The following SIRT2 variants were observed in gnomAD, a reference collection of about 807,000 sequenced individuals.
SIRT2 encodes NAD-dependent protein deacetylase sirtuin-2.
A neutral mutation model predicts 57.4 loss-of-function variants in SIRT2; 40 were observed. The observed-to-expected ratio is 0.70, with a 90% CI of 0.54 to 0.91. The LOEUF is 0.91. SIRT2 is among the 40% of genes least tolerant of loss of function. SIRT2 has a pLI of 0.00. For synonymous variants in SIRT2, 161 were observed against 195.7 expected, an observed-to-expected ratio of 0.82 and a Z score of 1.48; for missense variants, 439 against 510.4, an observed-to-expected ratio of 0.86 and a Z score of 1.35.
At position 38,887,657 on chromosome 19, in the gene SIRT2, C is replaced by A. The variant is rs1004637200; in HGVS notation, c.501+1430G>T. On this transcript the variant is annotated intron_variant, in intron 8 of 15. Coordinates refer to ENST00000249396, the MANE Select transcript of SIRT2 (RefSeq NM_012237.4). ...GAACTTAAAGCCAGTTGTTCCTCCCCCTGGCGGTAGCTTTTGGGGCTGCAG... is the reference window on the plus strand; with the variant it reads ...GAACTTAAAGCCAGTTGTTCCTCCCACTGGCGGTAGCTTTTGGGGCTGCAG... Among the ~76,000 whole-genome samples, 7 of 152,324 alleles carry A rather than the reference C, an allele frequency of 4.6e-5. No homozygotes were observed. In the South Asian group the frequency reaches 1.0e-3, roughly 23 times the overall value.
intron 2 of SIRT2, among the ~76,000 whole-genome samples, chr19:38,895,923 T>C (rs1458989194): frequency 6.6e-6 from 1 of 152,004 alleles, no homozygotes; most frequent in African/African-American, 2.4e-5. Context: ...ATACAAAAAA[T>C]TAGCCAGGCA....
chr19:38,893,804 C>CA lies in SIRT2; in HGVS notation c.112+14dup. ...CCCAGAACCCTGCTCCCTGTCCCTCCAGGAAGATACTCACTGTCTGCTTCT... is the reference window on the plus strand; with the variant it reads ...CCCAGAACCCTGCTCCCTGTCCCTCCAAGGAAGATACTCACTGTCTGCTTCT... On this transcript the variant is annotated intron_variant, in intron 3 of 15. Transcript: ENST00000249396. 2 of 1,613,922 alleles carry CA rather than the reference C, an allele frequency of 1.2e-6. No individual in the cohort carries two copies. Among genetic ancestry groups the CA allele is most frequent in the East Asian group, 2.2e-5 (1 of 44,878 alleles).
chr19:38,886,717 G>A (rs1487961931), intron 8 of SIRT2, among the ~76,000 whole-genome samples: 2 of 151,528 alleles, frequency 1.3e-5, no homozygotes, highest in Non-Finnish European at 2.9e-5. Flanking sequence ...TGCCTCCCAG[G>A]TTTAAGTGAT....
At chr19:38,879,576 CG>C in intron 14 of SIRT2, 55 bp downstream of exon 14, 2 of 1,554,318 alleles carry the variant, frequency 1.3e-6, no homozygotes, top group African/African-American at 2.7e-5. Context: ...TTCGTGCCCC[CG>C]CTCCCACCTC....
chr19:38,878,984 T>TG lies in SIRT2; in HGVS notation c.*170dup. 2 of 618,734 alleles carry TG rather than the reference T, an allele frequency of 3.2e-6. No homozygotes were observed. Among genetic ancestry groups the TG allele is most frequent in the Non-Finnish European group, 5.4e-6 (2 of 373,528 alleles). The allele number at this position is 618,734 out of a possible 1,614,324, so 38.3% of individuals were successfully genotyped here. A position where few individuals can be genotyped will look rare whatever the true frequency, so the allele number is the denominator to read the frequency against. On this transcript the variant is annotated 3_prime_UTR_variant, in exon 16 of 16. Coordinates refer to ENST00000249396, the MANE Select transcript of SIRT2 (RefSeq NM_012237.4). ...CCTCTAGGAGGTGTTAGAGATTTGC[T>TG]GGGGTTGGGGGCCAGGGTTGCTGGG...
chr19:38,896,579 C>T (rs542248754), intron 2 of SIRT2, among the ~76,000 whole-genome samples: 1 of 152,258 alleles, frequency 6.6e-6, no homozygotes, highest in South Asian at 2.1e-4. Context: ...TCATTTAACC[C>T]ATCCACTGAC....
chr19:38,889,052 C>A (rs924011040), intron 8 of SIRT2, 35 bp downstream of exon 8: 3 of 1,596,388 alleles, frequency 1.9e-6, no homozygotes, highest in Non-Finnish European at 2.6e-6. Context: ...GTTCCACCCG[C>A]CCATCCTCCT....
intron 8 of SIRT2, among the ~76,000 whole-genome samples, chr19:38,886,620 AT>A (rs551831229): frequency 0.18 from 24,571 of 138,586 alleles, 2,652 homozygotes; most frequent in African/African-American, 0.35. Context: ...TGCCTGGCTA[AT>A]TTTTTTTTTT....
intron 8 of SIRT2, among the ~76,000 whole-genome samples, chr19:38,888,684 G>A (rs1322615401): frequency 6.6e-6 from 1 of 152,230 alleles, no homozygotes; most frequent in Non-Finnish European, 1.5e-5. Flanking sequence ...GTGTCATAGT[G>A]TATGGATTTT....
chr19:38,889,078 TC>T lies in SIRT2; in HGVS notation c.501+8del. 1.2e-6 allele frequency: 2 copies of T among 1,611,020 alleles called. No individual in the cohort carries two copies. Among genetic ancestry groups the T allele is most frequent in the Non-Finnish European group, 1.7e-6 (2 of 1,179,794 alleles). ...CCATCCTCCTCCCAGGATGCTCGCA[TC>T]CGCCTACCTGCGTGTAGCAGCGCAG... On this transcript the variant is annotated splice_region_variant and intron_variant, in intron 8 of 15. Coordinates refer to ENST00000249396, the MANE Select transcript of SIRT2 (RefSeq NM_012237.4).
intron 2 of SIRT2, among the ~76,000 whole-genome samples, chr19:38,894,641 C>A (rs1442671505): frequency 4.6e-5 from 7 of 152,066 alleles, no homozygotes; most frequent in South Asian, 2.1e-4. Flanking sequence ...GGGAATGATT[C>A]CAATGCAAAG....
At position 38,888,833 on chromosome 19, in the gene SIRT2, G is replaced by A. The variant is rs147680604; in HGVS notation, c.501+254C>T. Reference sequence around the variant, plus strand: ...GCCCTGAGAGGAGGTCACTGCCACCGCACTGCAGACCTGAGAGGGCAGACC... The same window carrying A: ...GCCCTGAGAGGAGGTCACTGCCACCACACTGCAGACCTGAGAGGGCAGACC... On this transcript the variant is annotated intron_variant, in intron 8 of 15. Transcript: ENST00000249396. 3.2e-3 allele frequency among the ~76,000 whole-genome samples: 483 copies of A among 152,322 alleles called. 3 individuals are homozygous for A. The highest frequency in any genetic ancestry group is 0.011 in the African/African-American group (466 of 41,578).
intron 2 of SIRT2, among the ~76,000 whole-genome samples, chr19:38,895,764 CTG>C (rs2144703270): frequency 6.6e-6 from 1 of 152,206 alleles, no homozygotes; most frequent in South Asian, 2.1e-4. Context: ...CAGTGAGACT[CTG>C]TCTCTATTTA....
chr19:38,889,638 T>C, intron 7 of SIRT2, 51 bp downstream of exon 7: 4 of 1,604,542 alleles, frequency 2.5e-6, no homozygotes, highest in South Asian at 1.1e-5. Flanking sequence ...TTCTCATGCG[T>C]GCCCTCCCCC....
Position 38,881,170 on chromosome 19 carries a change from G to C in SIRT2, c.692-15C>G, listed in dbSNP as rs201564047. ...AAAGACGATATCTGAGGTGGAGACA[G>C]ATGGACGGACAGAGACAGTGACATG... On this transcript the variant is annotated splice_polypyrimidine_tract_variant and intron_variant, in intron 10 of 15. Transcript: ENST00000249396. 18 of 1,611,178 alleles carry C rather than the reference G, an allele frequency of 1.1e-5. No individual in the cohort carries two copies. The highest frequency in any genetic ancestry group is 1.5e-5 in the Non-Finnish European group (18 of 1,178,826).
intron 8 of SIRT2, among the ~76,000 whole-genome samples, chr19:38,888,006 G>A (rs1033728776): frequency 1.1e-4 from 16 of 152,030 alleles, no homozygotes; most frequent in Non-Finnish European, 1.9e-4. Context: ...TGCCCACCTC[G>A]GTGTCCCAAA....
At position 38,890,090 on chromosome 19, in the gene SIRT2, A is replaced by G; in HGVS notation, c.268+13T>C. ...TTCCTGGGGGTAGCTGCTGGGGGAG[A>G]AGGGTTACTTACATGTGGAGATTCC... is the stretch of plus-strand genomic sequence containing the variant. On this transcript the variant is annotated intron_variant, in intron 5 of 15. Coordinates refer to ENST00000249396, the MANE Select transcript of SIRT2 (RefSeq NM_012237.4). 1 of 1,614,004 alleles carries G rather than the reference A, an allele frequency of 6.2e-7. No homozygotes were observed. Among genetic ancestry groups the G allele is most frequent in the South Asian group, 1.1e-5 (1 of 91,082 alleles).
At chr19:38,890,255 G>C in intron 4 of SIRT2, 111 bp from the exon 5 acceptor site, 1 of 1,072,362 alleles carries the variant, frequency 9.3e-7, no homozygotes, top group Non-Finnish European at 1.4e-6. Flanking sequence ...CCTGGGGCAA[G>C]CATCTCAGAT....
chr19:38,887,407 C>T (rs576037818), intron 8 of SIRT2, among the ~76,000 whole-genome samples: 18 of 152,314 alleles, frequency 1.2e-4, no homozygotes, highest in Non-Finnish European at 1.8e-4. Flanking sequence ...ATCTGAGCCA[C>T]GTCCTGGAAT....
Sources: gnomAD v4.1 joint callset for allele counts (sites outside exome capture counted in the v4.1 genomes callset) on GRCh38, gnomAD v4.1.1 for gene constraint, MANE v1.5 for transcripts, NCBI Gene and HGNC (gene_info 2026-07-23, HGNC 2026-07-21) for gene names.